TRPM1: variants seen among roughly 807,000 people sequenced by gnomAD.
TRPM1 encodes the protein TRPM1-203 APA Isoform, Intron 10.
In TRPM1, 113 loss-of-function variants were observed where a neutral mutation model predicts 149.4. The ratio of observed to expected loss-of-function variants is 0.76; its 90% confidence interval spans 0.65 to 0.88. The LOEUF (loss-of-function observed/expected upper bound fraction) is 0.88. TRPM1 is among the 40% of genes least tolerant of loss of function. TRPM1 has a pLI of 0.00. For missense variants in TRPM1, 1,976 were observed against 2,038.7 expected, an observed-to-expected ratio of 0.97 and a Z score of 0.59; for synonymous variants, 741 against 759.5, an observed-to-expected ratio of 0.98 and a Z score of 0.40.
At chr15:31,053,352 G>A (rs2140944529) in intron 11 of TRPM1, among the ~76,000 whole-genome samples, 1 of 152,122 alleles carries the variant, frequency 6.6e-6, no homozygotes, top group African/African-American at 2.4e-5. Context: ...CCAGGTTCAA[G>A]TGATTCTCCT....
intron 20 of TRPM1, among the ~76,000 whole-genome samples, chr15:31,036,456 C>T (rs1366307922): frequency 2.0e-5 from 3 of 152,004 alleles, no homozygotes; most frequent in South Asian, 2.1e-4. Flanking sequence ...TTTCAAGATC[C>T]TGCCTCCCAA....
intron 27 of TRPM1, among the ~76,000 whole-genome samples, chr15:31,016,504 A>G (rs1160293595): frequency 6.6e-6 from 1 of 152,138 alleles, no homozygotes; most frequent in East Asian, 1.9e-4. Flanking sequence ...TTTTCACATT[A>G]TGGTAGCACT....
chr15:31,119,981 A>T (rs976911680), intron 1 of TRPM1, among the ~76,000 whole-genome samples: 1 of 152,182 alleles, frequency 6.6e-6, no homozygotes, highest in African/African-American at 2.4e-5. Flanking sequence ...TACAAATATG[A>T]TAGATATTAA....
chr15:31,102,799 G>A (rs1180284939), upstream of TRPM1, among the ~76,000 whole-genome samples: 1 of 152,232 alleles, frequency 6.6e-6, no homozygotes, highest in Admixed American at 6.5e-5. Flanking sequence ...GGCGTGCAAA[G>A]GGTCTGGTGA....
intron 1 of TRPM1, among the ~76,000 whole-genome samples, chr15:31,101,199 G>A (rs946269152): frequency 2.0e-5 from 3 of 152,240 alleles, no homozygotes; most frequent in Admixed American, 2.0e-4. Context: ...GCTAAGGAAT[G>A]ACAGGCAAGA....
intron 1 of TRPM1, among the ~76,000 whole-genome samples, chr15:31,088,337 T>A (rs1274222789): frequency 6.6e-6 from 1 of 152,224 alleles, no homozygotes; most frequent in Admixed American, 6.5e-5. Flanking sequence ...GTCTCCTTAT[T>A]GGTTGTGGAA....
intron 1 of TRPM1, among the ~76,000 whole-genome samples, chr15:31,095,716 T>C (rs1481278948): frequency 6.7e-6 from 1 of 150,046 alleles, no homozygotes; most frequent in Non-Finnish European, 1.5e-5. Flanking sequence ...ATAAAAAATA[T>C]GTAAACCTCA....
intron 27 of TRPM1, among the ~76,000 whole-genome samples, chr15:31,020,867 G>A (rs979705888): frequency 6.6e-6 from 1 of 152,192 alleles, no homozygotes; most frequent in Non-Finnish European, 1.5e-5. Context: ...TGTGGGAAGC[G>A]AGGCCTGTGG....
At chr15:31,106,380 C>T (rs2035606669), upstream of TRPM1, among the ~76,000 whole-genome samples, 1 of 152,156 alleles carries the variant, frequency 6.6e-6, no homozygotes, top group Non-Finnish European at 1.5e-5. Flanking sequence ...AGGTGATCCA[C>T]CCGCCTCGGC....
At chr15:31,090,492 C>A (rs982826077) in intron 1 of TRPM1, among the ~76,000 whole-genome samples, 1 of 152,020 alleles carries the variant, frequency 6.6e-6, no homozygotes, top group Non-Finnish European at 1.5e-5. Flanking sequence ...CAAAAATTAG[C>A]CAGGTGTGGT....
chr15:31,047,338 TG>T, intron 14 of TRPM1, 87 bp from the exon 15 acceptor site: 1 of 1,496,508 alleles, frequency 6.7e-7, no homozygotes, highest in Non-Finnish European at 9.2e-7. Context: ...GTGGCTGTCC[TG>T]GCCCCCACTT....
intron 1 of TRPM1, chr15:31,160,860 G>A: frequency 6.5e-7 from 1 of 1,529,824 alleles, no homozygotes; most frequent in East Asian, 2.4e-5. Flanking sequence ...GTGTCCCTCT[G>A]CCCTTCCGCC....
intron 1 of TRPM1, among the ~76,000 whole-genome samples, chr15:31,083,460 C>T (rs967671550): frequency 6.6e-6 from 1 of 152,214 alleles, no homozygotes; most frequent in African/African-American, 2.4e-5. Context: ...GGCGGGTTCC[C>T]ACATGTGCCC....
In TRPM1 at chr15:31,049,489, C is replaced by A. The variant is rs780254677; in HGVS notation, c.1458G>T (p.Ala486=). Residue 486 remains alanine, a synonymous_variant, in exon 13 of 28, where the codon GCG becomes GCT. Coordinates refer to ENST00000256552, the MANE Select transcript of TRPM1 (RefSeq NM_001252024.2). ...LLNWVNALEQ[A]MLDALVLDRV... Reference sequence around the variant, plus strand: ...GATCTAAGACTAAAGCATCTAGCATCGCTTGCTCCAAAGCATTCACCTGCA... The same window carrying A: ...GATCTAAGACTAAAGCATCTAGCATAGCTTGCTCCAAAGCATTCACCTGCA... 3.1e-6 allele frequency: 5 copies of A among 1,614,058 alleles called. No homozygotes were observed. The highest frequency in any genetic ancestry group is 1.7e-5 in the Admixed American group (1 of 60,022).
At chr15:31,094,372 T>A (rs964936849) in intron 1 of TRPM1, among the ~76,000 whole-genome samples, 4 of 152,082 alleles carry the variant, frequency 2.6e-5, no homozygotes, top group African/African-American at 9.7e-5. Context: ...TTCATTAAAA[T>A]GAAAAACTGT....
intron 1 of TRPM1, among the ~76,000 whole-genome samples, chr15:31,120,530 A>C (rs540170914): frequency 6.6e-6 from 1 of 152,230 alleles, no homozygotes; most frequent in Non-Finnish European, 1.5e-5. Context: ...GTTGCATTTA[A>C]CAGTACTATC....
intron 27 of TRPM1, among the ~76,000 whole-genome samples, chr15:31,003,735 G>A (rs1359337132): frequency 6.6e-6 from 1 of 152,046 alleles, no homozygotes; most frequent in Non-Finnish European, 1.5e-5. Flanking sequence ...AAGGATAGTA[G>A]GTGATTTAAT....
chr15:31,072,002 TATATATATATATATATAGAG>T (rs1427286081), intron 3 of TRPM1, among the ~76,000 whole-genome samples: 2,854 of 67,726 alleles, frequency 0.042, 66 homozygotes, highest in African/African-American at 0.047. Flanking sequence ...TATATATATA[TATATATATATATATATAGAG>T]AGAGAGAGAG....
intron 27 of TRPM1, among the ~76,000 whole-genome samples, chr15:31,012,970 C>T (rs961047188): frequency 5.4e-5 from 8 of 147,698 alleles, no homozygotes; most frequent in Admixed American, 2.0e-4. Context: ...TCATTTCTTT[C>T]TTTTTCTTTT....
Sources: allele counts gnomAD v4.1 joint callset (sites outside exome capture counted in the v4.1 genomes callset), GRCh38; gene constraint gnomAD v4.1.1; transcripts MANE v1.5; gene names NCBI Gene and HGNC (gene_info 2026-07-23, HGNC 2026-07-21).